FRAS1: variants seen among roughly 807,000 people sequenced by gnomAD.
FRAS1 encodes the protein extracellular matrix organizing protein FRAS1.
FRAS1 carries 290 observed loss-of-function variants against 435.2 expected under a neutral mutation model. The ratio of observed to expected loss-of-function variants is 0.67; its 90% CI spans 0.61 to 0.73. The LOEUF is 0.73. Ranked by LOEUF, FRAS1 falls within the 30% of genes least tolerant of loss-of-function variation. The pLI, the probability that FRAS1 is intolerant of heterozygous loss-of-function variation, is 0.00. For missense variants in FRAS1, 4,860 were observed against 5,001.5 expected (o/e 0.97, Z 0.85); for synonymous variants, 1,800 against 1,851.0 (o/e 0.97, Z 0.71).
chr4:78,174,417 G>A (rs1271339767), intron 2 of FRAS1, among the ~76,000 whole-genome samples: 1 of 152,154 alleles, frequency 6.6e-6, no homozygotes, highest in African/African-American at 2.4e-5. Context: ...AAGATAATGA[G>A]ATGTAACACT....
chr4:78,458,035 T>C (rs532272548), intron 47 of FRAS1, among the ~76,000 whole-genome samples: 1 of 152,290 alleles, frequency 6.6e-6, no homozygotes, highest in East Asian at 1.9e-4. Context: ...CCTTAGGGAA[T>C]ACACAGTTAG....
At position 78,064,612 on chromosome 4, in the gene FRAS1, GA is replaced by G. The variant is rs991071710; in HGVS notation, c.77-1362del. 3.7e-3 allele frequency among the ~76,000 whole-genome samples: 499 copies of G among 136,062 alleles called. 6 individuals carry two copies. Among genetic ancestry groups the G allele is most frequent in the African/African-American group, 1.0e-2 (372 of 37,202 alleles). The allele number at this position is 136,062 out of a possible 152,430, so 89.3% of individuals were successfully genotyped here. ...CACCAATAAAATTGTTGTATACCAAGAAAAAAAAAAAGAATATCAGGGACAT... is the reference window on the plus strand; with the variant it reads ...CACCAATAAAATTGTTGTATACCAAGAAAAAAAAAAGAATATCAGGGACAT... On this transcript the variant is annotated intron_variant, in intron 1 of 73. Transcript: ENST00000512123.
chr4:78,066,721 A>G lies in FRAS1; in HGVS notation c.108+705A>G, dbSNP rs575430533. Reference sequence around the variant, plus strand: ...TTTTTATTTTGGTTTAATAAATGCTATAATAAAACTGAACTGAGATGGTTG... The same window carrying G: ...TTTTTATTTTGGTTTAATAAATGCTGTAATAAAACTGAACTGAGATGGTTG... On this transcript the variant is annotated intron_variant, in intron 2 of 73. Transcript: ENST00000512123. Among the ~76,000 whole-genome samples, 10 of 152,356 alleles carry G rather than the reference A, an allele frequency of 6.6e-5. No homozygotes were observed. The South Asian group carries it at 1.2e-3, about 19-fold the overall frequency.
At chr4:78,357,656 C>T (rs1302020675) in intron 20 of FRAS1, among the ~76,000 whole-genome samples, 1 of 152,102 alleles carries the variant, frequency 6.6e-6, no homozygotes, top group East Asian at 1.9e-4. Flanking sequence ...AATCCCATCA[C>T]TTTGGGAAAC....
chr4:78,244,137 T>C (rs1273589621), intron 3 of FRAS1, among the ~76,000 whole-genome samples: 1 of 152,198 alleles, frequency 6.6e-6, no homozygotes, highest in African/African-American at 2.4e-5. Context: ...TTAATGGTTG[T>C]AAAAACTTAG....
chr4:78,427,247 C>T (rs568092553), intron 35 of FRAS1, among the ~76,000 whole-genome samples: 3 of 152,236 alleles, frequency 2.0e-5, no homozygotes, highest in South Asian at 2.1e-4. Context: ...TCAGCCCCCT[C>T]GCCACGTGAC....
chr4:78,327,708 T>C (rs958352583), intron 18 of FRAS1, among the ~76,000 whole-genome samples: 1 of 152,198 alleles, frequency 6.6e-6, no homozygotes, highest in Non-Finnish European at 1.5e-5. Flanking sequence ...TTCAGATATC[T>C]CCCATATATG....
At chr4:78,433,330 A>G (rs1052477533) in intron 38 of FRAS1, among the ~76,000 whole-genome samples, 1 of 152,242 alleles carries the variant, frequency 6.6e-6, no homozygotes, top group Non-Finnish European at 1.5e-5. Flanking sequence ...TGTGCTCTCT[A>G]TGTAAACATA....
chr4:78,423,252 C>T (rs990520162), intron 34 of FRAS1, among the ~76,000 whole-genome samples: 5 of 151,798 alleles, frequency 3.3e-5, no homozygotes, highest in African/African-American at 9.7e-5. Flanking sequence ...CTGCAACTTC[C>T]GCCTCCCAGA....
chr4:78,415,769 A>G (rs1052964936), intron 32 of FRAS1, among the ~76,000 whole-genome samples: 4 of 152,182 alleles, frequency 2.6e-5, no homozygotes, highest in Non-Finnish European at 4.4e-5. Flanking sequence ...TGAGGCAAAT[A>G]AGGTGTTGAG....
chr4:78,492,634 C>T (rs182082479), intron 59 of FRAS1, among the ~76,000 whole-genome samples: 94 of 152,262 alleles, frequency 6.2e-4, no homozygotes, highest in African/African-American at 2.1e-3. Context: ...ACACCTTATA[C>T]AAAAATTAAC....
intron 1 of FRAS1, among the ~76,000 whole-genome samples, chr4:78,065,182 G>A (rs955321842): frequency 1.4e-5 from 2 of 144,992 alleles, no homozygotes; most frequent in African/African-American, 5.1e-5. Flanking sequence ...GTATATATAT[G>A]TGTATATATG....
chr4:78,306,824 C>G (rs541919914), intron 14 of FRAS1, among the ~76,000 whole-genome samples: 1 of 152,308 alleles, frequency 6.6e-6, no homozygotes, highest in Non-Finnish European at 1.5e-5. Flanking sequence ...CCTCCTGTAG[C>G]TTGGAGTAAT....
At chr4:78,534,687 T>G in intron 71 of FRAS1, 72 bp downstream of exon 71, 1 of 1,438,054 alleles carries the variant, frequency 7.0e-7, no homozygotes. Context: ...GTCACCGGAC[T>G]GGCATCTCTG....
At chr4:78,413,251 G>T (rs1422505608) in intron 32 of FRAS1, among the ~76,000 whole-genome samples, 166 bp downstream of exon 32, 1 of 152,188 alleles carries the variant, frequency 6.6e-6, no homozygotes, top group Non-Finnish European at 1.5e-5. Flanking sequence ...CTTGAAAAAG[G>T]AACTTAAAAT....
At chr4:78,479,182 G>A (rs1044551669) in intron 55 of FRAS1, among the ~76,000 whole-genome samples, 192 bp from the exon 56 acceptor site, 1 of 152,204 alleles carries the variant, frequency 6.6e-6, no homozygotes, top group Non-Finnish European at 1.5e-5. Flanking sequence ...AGTATCTGGG[G>A]TATATTAAAT....
Position 78,185,639 on chromosome 4 carries a change from A to G in FRAS1, c.109-51871A>G, listed in dbSNP as rs551207401. 3.8e-4 allele frequency among the ~76,000 whole-genome samples: 58 copies of G among 152,348 alleles called. No homozygotes were observed. The South Asian group carries it at 0.011, about 29-fold the overall frequency. On this transcript the variant is annotated intron_variant, in intron 2 of 73. Coordinates refer to ENST00000512123, the MANE Select transcript of FRAS1 (RefSeq NM_025074.7). The stretch of plus-strand genomic sequence containing the variant: ...TTGCATTCCTGACTGGTTGATTGTC[A>G]TACAGTTTTATTTTGAGAACATGCA...
rs1728806809 is a variant in FRAS1 at position 78,307,441 on chromosome 4, TGGC to T, written c.1535-622_1535-620del. ...TGTTTACCTAAGCAAGCCTGGGCAA[TGGC>T]GGGCGCCCCTCCCCCAGCCTTGCTG... On this transcript the variant is annotated intron_variant, in intron 14 of 73. Transcript: ENST00000512123. Among the ~76,000 whole-genome samples, 5 of 152,312 alleles carry T rather than the reference TGGC, an allele frequency of 3.3e-5. No individual in the cohort carries two copies. The East Asian group carries it at 9.7e-4, about 29-fold the overall frequency.
chr4:78,256,411 G>T (rs1371784115), intron 6 of FRAS1, among the ~76,000 whole-genome samples: 1 of 152,168 alleles, frequency 6.6e-6, no homozygotes, highest in African/African-American at 2.4e-5. Flanking sequence ...ACACTCTAGT[G>T]TTGAGGCATT....
Sources: gnomAD v4.1 joint callset for allele counts (sites outside exome capture counted in the v4.1 genomes callset) on GRCh38, gnomAD v4.1.1 for gene constraint, MANE v1.5 for transcripts, NCBI Gene and HGNC (gene_info 2026-07-23, HGNC 2026-07-21) for gene names.